The following SDK1 variants were observed in gnomAD, a reference collection of about 807,000 sequenced individuals.
The protein encoded by SDK1 is protein sidekick-1.
In SDK1, 157 loss-of-function variants were observed where a neutral mutation model predicts 245.5. The ratio of observed to expected loss-of-function variants is 0.64; its 90% CI spans 0.56 to 0.73. SDK1 has a LOEUF of 0.73. SDK1 is among the 30% of genes least tolerant of loss of function. The pLI is 0.00. For missense variants in SDK1, 3,583 were observed against 3,002.3 expected (o/e 1.19, Z -4.52); for synonymous variants, 1,647 against 1,278.5 (o/e 1.29, Z -6.15).
chr7:3,892,277 A>C (rs1467204449), intron 5 of SDK1, among the ~76,000 whole-genome samples: 2 of 152,098 alleles, frequency 1.3e-5, no homozygotes, highest in African/African-American at 4.8e-5. Flanking sequence ...CTTATTTTTC[A>C]CTTAAGAATC....
chr7:3,410,672 C>T (rs568043370), intron 1 of SDK1, among the ~76,000 whole-genome samples: 11 of 149,680 alleles, frequency 7.3e-5, no homozygotes, highest in East Asian at 3.9e-4. Context: ...CTGCAACCTC[C>T]GCCTCCCAGG....
chr7:3,457,312 A>T (rs1780701591), intron 1 of SDK1, among the ~76,000 whole-genome samples: 1 of 152,074 alleles, frequency 6.6e-6, no homozygotes, highest in Non-Finnish European at 1.5e-5. Flanking sequence ...TGGCCTTCCT[A>T]ACCAGTTAGT....
intron 4 of SDK1, among the ~76,000 whole-genome samples, chr7:3,722,763 C>A (rs1349129543): frequency 6.6e-6 from 1 of 152,208 alleles, no homozygotes; most frequent in Non-Finnish European, 1.5e-5. Context: ...GCGGGTGGCT[C>A]AGCACCGCCC....
intron 1 of SDK1, among the ~76,000 whole-genome samples, chr7:3,375,607 T>C (rs960744237): frequency 2.6e-5 from 4 of 152,150 alleles, no homozygotes; most frequent in Admixed American, 2.6e-4. Context: ...CATCATTTGC[T>C]CTTGGGGGAG....
intron 22 of SDK1, among the ~76,000 whole-genome samples, chr7:4,089,423 C>G (rs554861367): frequency 3.3e-5 from 5 of 152,254 alleles, no homozygotes; most frequent in Non-Finnish European, 5.9e-5. Flanking sequence ...CAGGGGGCCT[C>G]TGTGCTGGGC....
chr7:3,700,192 A>C lies in SDK1; in HGVS notation c.713+58087A>C, dbSNP rs114006542. The stretch of plus-strand genomic sequence containing the variant: ...GTGTTTCTATAATACCTACCCTTAA[A>C]GAACAGGTAAAGGAAGCACTCCATA... On this transcript the variant is annotated intron_variant, in intron 4 of 44. Coordinates refer to ENST00000404826, the MANE Select transcript of SDK1 (RefSeq NM_152744.4). 9.9e-3 allele frequency among the ~76,000 whole-genome samples: 1,507 copies of C among 152,378 alleles called. 20 individuals carry two copies. The highest frequency in any genetic ancestry group is 0.035 in the African/African-American group (1,443 of 41,598).
chr7:3,748,209 A>C (rs1360864940), intron 4 of SDK1, among the ~76,000 whole-genome samples: 2 of 152,208 alleles, frequency 1.3e-5, no homozygotes, highest in South Asian at 4.1e-4. Flanking sequence ...AAAAGGAAAA[A>C]TGATGTATCT....
chr7:3,509,684 A>G (rs1240196693), intron 1 of SDK1, among the ~76,000 whole-genome samples: 2 of 151,948 alleles, frequency 1.3e-5, no homozygotes, highest in East Asian at 3.9e-4. Flanking sequence ...TCAACACTTA[A>G]CCTCTGTTTA....
intron 35 of SDK1, 61 bp downstream of exon 35, chr7:4,178,647 G>C: frequency 8.4e-7 from 1 of 1,188,210 alleles, no homozygotes; most frequent in Non-Finnish European, 1.2e-6. Context: ...GGGACAGCCA[G>C]GCACGCTGCG....
At chr7:4,064,245 T>C (rs187933288) in intron 19 of SDK1, among the ~76,000 whole-genome samples, 1 of 152,196 alleles carries the variant, frequency 6.6e-6, no homozygotes. Flanking sequence ...AAATCTCATT[T>C]AAAAAGTGGG....
intron 5 of SDK1, among the ~76,000 whole-genome samples, chr7:3,910,891 C>A (rs909255335): frequency 2.6e-5 from 4 of 152,172 alleles, no homozygotes; most frequent in African/African-American, 9.7e-5. Context: ...ATAAATGTGG[C>A]CCACGCTGTG....
intron 44 of SDK1, among the ~76,000 whole-genome samples, chr7:4,248,779 TCATA>T (rs1185110794): frequency 6.6e-6 from 1 of 151,902 alleles, no homozygotes; most frequent in Non-Finnish European, 1.5e-5. Flanking sequence ...CATCATATAC[TCATA>T]CATATACCTA....
intron 28 of SDK1, among the ~76,000 whole-genome samples, chr7:4,141,866 C>T (rs1038064098): frequency 2.6e-5 from 4 of 152,144 alleles, no homozygotes; most frequent in African/African-American, 7.2e-5. Context: ...AAGTGATTCT[C>T]CTGCCTCAGC....
chr7:3,687,572 C>T (rs1320025200), intron 4 of SDK1, among the ~76,000 whole-genome samples: 1 of 152,198 alleles, frequency 6.6e-6, no homozygotes, highest in Non-Finnish European at 1.5e-5. Flanking sequence ...CACACGGCAA[C>T]TTGGATGCAT....
chr7:4,264,984 A>G lies in SDK1; in HGVS notation c.6382-140A>G. 7 of 1,281,664 alleles carry G rather than the reference A, an allele frequency of 5.5e-6. No individual in the cohort carries two copies. In the Admixed American group the frequency reaches 1.7e-4, roughly 31 times the overall value. 79.4% of individuals were successfully genotyped at this position (1,281,664 alleles called of 1,614,324 possible). On this transcript the variant is annotated intron_variant, in intron 44 of 44. Coordinates refer to ENST00000404826, the MANE Select transcript of SDK1 (RefSeq NM_152744.4). ...TGTGTGGAGGGTGGGAGGGCCTGGC[A>G]TTGGGTTGGGGTGGGGAGAGGGCTG...
chr7:3,839,799 TAATC>T (rs1468080053), intron 5 of SDK1, among the ~76,000 whole-genome samples: 1 of 152,224 alleles, frequency 6.6e-6, no homozygotes, highest in African/African-American at 2.4e-5. Context: ...TTATGATGGA[TAATC>T]AAACCAGTTT....
At chr7:4,043,207 G>A (rs1788765579) in intron 17 of SDK1, among the ~76,000 whole-genome samples, 1 of 152,130 alleles carries the variant, frequency 6.6e-6, no homozygotes, top group African/African-American at 2.4e-5. Context: ...GTCACAGCCA[G>A]GGGCCCAGGT....
chr7:3,374,435 G>T (rs1440329805), intron 1 of SDK1, among the ~76,000 whole-genome samples: 2 of 152,068 alleles, frequency 1.3e-5, no homozygotes, highest in Non-Finnish European at 2.9e-5. Flanking sequence ...TGGAGGTTGG[G>T]TTGCCTTACT....
rs549135170 is a variant in SDK1, at chr7:4,107,917, C to G, written c.3325-2746C>G. On this transcript the variant is annotated intron_variant, in intron 22 of 44. Transcript: ENST00000404826. ...ACATTTGGTGACCTTGAATGAATCA[C>G]TCTTTTTCTGGGCCTCAGCTTCTTT... Among the ~76,000 whole-genome samples, 7 of 152,338 alleles carry G rather than the reference C, an allele frequency of 4.6e-5. No homozygotes were observed. The South Asian group carries it at 1.5e-3, about 32-fold the overall frequency.
Sources: gnomAD v4.1 joint callset for allele counts (sites outside exome capture counted in the v4.1 genomes callset) on GRCh38, gnomAD v4.1.1 for gene constraint, MANE v1.5 for transcripts, NCBI Gene and HGNC (gene_info 2026-07-23, HGNC 2026-07-21) for gene names.